XPO4: variants seen among roughly 807,000 people sequenced by gnomAD.
XPO4 encodes exportin-4.
Under a neutral mutation model 143.0 loss-of-function variants are expected in XPO4, and 39 were observed. The ratio of observed to expected loss-of-function variants is 0.27; its 90% CI spans 0.21 to 0.36. The LOEUF (loss-of-function observed/expected upper bound fraction) is 0.36. XPO4 is among the 10% of genes least tolerant of loss of function. The pLI, the probability that XPO4 is intolerant of heterozygous loss-of-function variation, is 1.00. For missense variants in XPO4, 907 were observed against 1,348.0 expected (o/e 0.67, Z 5.12); for synonymous variants, 439 against 474.0 (o/e 0.93, Z 0.96).
At position 20,783,871 on chromosome 13, in the gene XPO4, G is replaced by A. The variant is rs2059168715; in HGVS notation, c.3307C>T (p.Pro1103Ser). 6.2e-7 allele frequency: 1 copy of A among 1,613,936 alleles called. No individual in the cohort carries two copies. The highest frequency in any genetic ancestry group is 8.5e-7 in the Non-Finnish European group (1 of 1,180,006). Reference sequence around the variant, plus strand: ...TCTGCTAATCTCTGGTAAATAACTGGGTCTTGCTGACTTGATAGTAATGTT... The same window carrying A: ...TCTGCTAATCTCTGGTAAATAACTGAGTCTTGCTGACTTGATAGTAATGTT... ...VETLLSSQQD[P>S]VIYQRLADAF... The change falls in exon 23 of 23, where the codon CCA (proline) becomes TCA (serine). Residue 1103 changes from proline to serine, a missense_variant. Physicochemically the swap from Pro to Ser is moderately conservative, Grantham distance 74. Coordinates refer to ENST00000255305, the MANE Select transcript of XPO4 (RefSeq NM_022459.5).
At chr13:20,800,785 G>A in intron 14 of XPO4, 46 bp downstream of exon 14, 1 of 1,591,156 alleles carries the variant, frequency 6.3e-7, no homozygotes, top group Non-Finnish European at 8.6e-7. Context: ...TTCTATAACT[G>A]CTATCATCAT....
chr13:20,844,543 C>G (rs1018789641), intron 4 of XPO4, among the ~76,000 whole-genome samples: 3 of 152,150 alleles, frequency 2.0e-5, no homozygotes, highest in African/African-American at 7.2e-5. Flanking sequence ...ATTATTTTGG[C>G]AACTTTCCAG....
At chr13:20,879,605 A>C (rs1436301140) in intron 1 of XPO4, among the ~76,000 whole-genome samples, 1 of 152,214 alleles carries the variant, frequency 6.6e-6, no homozygotes, top group Non-Finnish European at 1.5e-5. Flanking sequence ...ATAAGCCACT[A>C]CAAGTTTACA....
chr13:20,811,288 CTTTTTTTTT>C (rs769614867), intron 9 of XPO4, among the ~76,000 whole-genome samples: 62 of 136,718 alleles, frequency 4.5e-4, no homozygotes, highest in African/African-American at 1.7e-3. Flanking sequence ...ATGCTTTTTT[CTTTTTTTTT>C]TTTTTTTTGA....
intron 1 of XPO4, among the ~76,000 whole-genome samples, chr13:20,879,529 G>A (rs866912607): frequency 1.3e-5 from 2 of 152,158 alleles, no homozygotes; most frequent in Admixed American, 6.5e-5. Flanking sequence ...GAGGAATCCA[G>A]GCTTCAGAGT....
chr13:20,804,934 G>C (rs563220261), intron 13 of XPO4, among the ~76,000 whole-genome samples: 184 of 146,134 alleles, frequency 1.3e-3, no homozygotes, highest in South Asian at 9.5e-3. Context: ...ATTTACTCTC[G>C]GGTTTTTTTG....
chr13:20,797,836 C>T (rs140302139), intron 16 of XPO4, among the ~76,000 whole-genome samples: 1 of 152,180 alleles, frequency 6.6e-6, no homozygotes, highest in Non-Finnish European at 1.5e-5. Flanking sequence ...AAATCCAAAC[C>T]CCAGGATATG....
chr13:20,799,467 T>C, intron 15 of XPO4, 128 bp from the exon 16 acceptor site: 2 of 771,118 alleles, frequency 2.6e-6, no homozygotes, highest in Non-Finnish European at 3.8e-6. Context: ...CAAAGTACAG[T>C]AAACTTAGTA....
In XPO4 at chr13:20,783,781, A is replaced by C; in HGVS notation, c.3397T>G (p.Phe1133Val). The C allele has an allele frequency of 6.2e-7, 1 of 1,614,238 alleles. No individual in the cohort carries two copies. The highest frequency in any genetic ancestry group is 8.5e-7 in the Non-Finnish European group (1 of 1,180,036). The part of the protein sequence containing the change: ...PTLDRKQKMA[F>V]LKSLEEFMAN... Reference sequence around the variant, plus strand: ...ATAAATTCTTCTAAACTCTTTAAGAAGGCCATCTTCTGCTTCCGATCCAGC... The same window carrying C: ...ATAAATTCTTCTAAACTCTTTAAGACGGCCATCTTCTGCTTCCGATCCAGC... The change falls in exon 23 of 23, where the codon TTC becomes GTC. Residue 1133 changes from phenylalanine to valine, a missense_variant. Phe to Val is a conservative substitution (Grantham distance 50, BLOSUM62 -1). Coordinates refer to ENST00000255305, the MANE Select transcript of XPO4 (RefSeq NM_022459.5).
intron 13 of XPO4, among the ~76,000 whole-genome samples, chr13:20,806,509 CAT>C (rs2059505435): frequency 7.3e-6 from 1 of 136,800 alleles, no homozygotes; most frequent in Non-Finnish European, 1.6e-5. Context: ...TGAAATTTCA[CAT>C]GTTGTTTTCA....
intron 15 of XPO4, 93 bp downstream of exon 15, chr13:20,800,061 ACC>A: frequency 7.1e-7 from 1 of 1,399,074 alleles, no homozygotes; most frequent in Non-Finnish European, 9.6e-7. Context: ...GGACCGTGTA[ACC>A]ATTTGCCAGT....
rs374035170 is a variant in XPO4, at chr13:20,799,108, A to G, written c.2322+57T>C. ...CAGAGACTCTTACGGCAACGCATAG[A>G]TAAAGGAACTACAGAGTTACACAAA... On this transcript the variant is annotated intron_variant, in intron 16 of 22. Transcript: ENST00000255305. 5.0e-5 allele frequency: 74 copies of G among 1,468,140 alleles called. No individual in the cohort carries two copies. The African/African-American group carries it at 5.5e-4, about 11-fold the overall frequency. The allele number at this position is 1,468,140 out of a possible 1,614,324, so 90.9% of individuals were successfully genotyped here.
intron 5 of XPO4, among the ~76,000 whole-genome samples, 183 bp from the exon 6 acceptor site, chr13:20,843,231 C>T (rs1416001578): frequency 6.6e-6 from 1 of 152,132 alleles, no homozygotes; most frequent in African/African-American, 2.4e-5. Context: ...TCAAGTGACG[C>T]CAGATGGAAT....
At chr13:20,893,503 G>T (rs1432455734) in intron 1 of XPO4, among the ~76,000 whole-genome samples, 3 of 152,302 alleles carry the variant, frequency 2.0e-5, no homozygotes, top group South Asian at 4.1e-4. Flanking sequence ...ACTTTGGGAG[G>T]CCGAGGTGGG....
At position 20,847,849 on chromosome 13, in the gene XPO4, T is replaced by C. The variant is rs565589154; in HGVS notation, c.457-3963A>G. Among the ~76,000 whole-genome samples the C allele has an allele frequency of 3.4e-3, 514 of 152,348 alleles. 4 individuals are homozygous for C. Among genetic ancestry groups the C allele is most frequent in the African/African-American group, 0.012 (494 of 41,588 alleles). On this transcript the variant is annotated intron_variant, in intron 4 of 22. Coordinates refer to ENST00000255305, the MANE Select transcript of XPO4 (RefSeq NM_022459.5). ...AATCTTAAGACTTCTAAGAGGTTAA[T>C]ACAACAATACTTCACTTATCTAAGA...
chr13:20,785,651 A>G (rs2059190697), intron 22 of XPO4, among the ~76,000 whole-genome samples: 1 of 151,620 alleles, frequency 6.6e-6, no homozygotes, highest in African/African-American at 2.4e-5. Context: ...GGTAATAATA[A>G]AGTGAGACCC....
At chr13:20,806,687 G>A (rs564277169) in intron 13 of XPO4, among the ~76,000 whole-genome samples, 12 of 151,224 alleles carry the variant, frequency 7.9e-5, no homozygotes, top group Admixed American at 7.9e-4. Context: ...CGAGTAGCTG[G>A]GACTACAGGC....
intron 2 of XPO4, chr13:20,865,465 G>C (rs2060236884): frequency 1.0e-6 from 1 of 985,130 alleles, no homozygotes. Flanking sequence ...CTACTTCTGG[G>C]AAGATCTGCC....
chr13:20,817,294 C>T (rs2059662039), intron 9 of XPO4, among the ~76,000 whole-genome samples: 1 of 152,178 alleles, frequency 6.6e-6, no homozygotes, highest in South Asian at 2.1e-4. Flanking sequence ...AGTAATTACC[C>T]AACAAGCCAG....
Sources: allele counts gnomAD v4.1 joint callset (sites outside exome capture counted in the v4.1 genomes callset), GRCh38; gene constraint gnomAD v4.1.1; transcripts MANE v1.5; gene names NCBI Gene and HGNC (gene_info 2026-07-23, HGNC 2026-07-21).